The following C13orf42 variants were observed in gnomAD, a reference collection of about 807,000 sequenced individuals.
C13orf42 encodes the protein uncharacterized protein C13orf42.
intron 1 of C13orf42, among the ~76,000 whole-genome samples, chr13:51,106,157 A>G (rs1953353533): frequency 6.6e-6 from 1 of 152,242 alleles, no homozygotes; most frequent in East Asian, 1.9e-4. Flanking sequence ...CCATGTGAAA[A>G]GAAGTCAAGA....
At position 51,083,133 on chromosome 13, in the gene C13orf42, C is replaced by T; in HGVS notation, c.*1018G>A. 6.6e-6 allele frequency: 1 copy of T among 152,008 alleles called. No individual in the cohort carries two copies. Among genetic ancestry groups the T allele is most frequent in the South Asian group, 2.1e-4 (1 of 4,810 alleles). 9.4% of individuals were successfully genotyped at this position (152,008 alleles called of 1,614,324 possible). ...CCTTATACATGCACAGACTGGTTTA[C>T]AAGAAAATGCCAAAAAAAGAAGTGA... On this transcript the variant is annotated 3_prime_UTR_variant, in exon 4 of 4. Transcript: ENST00000563710.
chr13:51,140,518 G>A (rs1953688099), intron 1 of C13orf42, among the ~76,000 whole-genome samples: 1 of 152,180 alleles, frequency 6.6e-6, no homozygotes, highest in Admixed American at 6.5e-5. Context: ...TCCTATCAAT[G>A]CTTGGTACCA....
upstream of C13orf42, among the ~76,000 whole-genome samples, chr13:51,112,737 G>A (rs575935559): frequency 1.7e-4 from 26 of 152,260 alleles, no homozygotes; most frequent in African/African-American, 4.1e-4. Flanking sequence ...TGAAGAAGGG[G>A]CGCGCTGGAG....
chr13:51,141,424 C>G (rs373674509), intron 1 of C13orf42, among the ~76,000 whole-genome samples: 1 of 151,820 alleles, frequency 6.6e-6, no homozygotes, highest in Admixed American at 6.6e-5. Context: ...AGGCCTAATA[C>G]GTTTTTATAT....
intron 1 of C13orf42, among the ~76,000 whole-genome samples, chr13:51,160,315 C>T (rs988094373): frequency 3.4e-4 from 52 of 152,286 alleles, no homozygotes; most frequent in Non-Finnish European, 6.2e-4. Flanking sequence ...GAGTTTGAGA[C>T]TTGGCAAACA....
chr13:51,086,981 A>G (rs1305724757), intron 2 of C13orf42, among the ~76,000 whole-genome samples: 1 of 152,172 alleles, frequency 6.6e-6, no homozygotes, highest in African/African-American at 2.4e-5. Flanking sequence ...AACAAATCAC[A>G]AGCTTCTTTC....
At chr13:51,167,002 C>T (rs1403239622) in intron 1 of C13orf42, among the ~76,000 whole-genome samples, 1 of 151,832 alleles carries the variant, frequency 6.6e-6, no homozygotes, top group African/African-American at 2.4e-5. Context: ...TCACTTGAAC[C>T]TGGGAGACAG....
intron 1 of C13orf42, among the ~76,000 whole-genome samples, chr13:51,108,837 G>A (rs925884412): frequency 2.6e-5 from 4 of 152,198 alleles, no homozygotes; most frequent in East Asian, 3.8e-4. Context: ...AGGCATCTCC[G>A]AAGGAGATCC....
At chr13:51,129,392 AGG>A (rs1953598376) in intron 1 of C13orf42, among the ~76,000 whole-genome samples, 1 of 152,124 alleles carries the variant, frequency 6.6e-6, no homozygotes, top group African/African-American at 2.4e-5. Context: ...CATGGGACTT[AGG>A]GGGCTTTTTC....
At chr13:51,114,261 C>T (rs1593539299), upstream of C13orf42, among the ~76,000 whole-genome samples, 2 of 152,286 alleles carry the variant, frequency 1.3e-5, no homozygotes, top group South Asian at 2.1e-4. Flanking sequence ...TACCTACCAG[C>T]TTAAGAAAGT....
chr13:51,167,535 T>G (rs1484203179), intron 1 of C13orf42, among the ~76,000 whole-genome samples: 1 of 152,160 alleles, frequency 6.6e-6, no homozygotes, highest in East Asian at 1.9e-4. Context: ...GACCTTACCT[T>G]CCAGCAATGG....
At chr13:51,170,738 G>A (rs1484756401) in intron 1 of C13orf42, among the ~76,000 whole-genome samples, 1 of 152,104 alleles carries the variant, frequency 6.6e-6, no homozygotes, top group African/African-American at 2.4e-5. Flanking sequence ...AGACCACGCA[G>A]GGACGCCTGC....
chr13:51,125,559 T>A (rs1441459606), intron 1 of C13orf42, among the ~76,000 whole-genome samples: 1 of 152,206 alleles, frequency 6.6e-6, no homozygotes, highest in Non-Finnish European at 1.5e-5. Context: ...GGTGGATTAA[T>A]CAATTGCTGA....
chr13:51,161,946 C>G, intron 1 of C13orf42: 1 of 487,028 alleles, frequency 2.1e-6, no homozygotes, highest in Non-Finnish European at 4.0e-6. Flanking sequence ...GTGCTTCCCA[C>G]GTTGTATTCA....
chr13:51,085,838 C>A (rs573279085), intron 2 of C13orf42, among the ~76,000 whole-genome samples: 3 of 152,060 alleles, frequency 2.0e-5, no homozygotes, highest in Non-Finnish European at 4.4e-5. Context: ...TCACCTGAGG[C>A]CAGGAGTTGA....
At chr13:51,170,811 C>T (rs1178120630) in intron 1 of C13orf42, among the ~76,000 whole-genome samples, 1 of 151,574 alleles carries the variant, frequency 6.6e-6, no homozygotes, top group African/African-American at 2.4e-5. Flanking sequence ...TATCCCTCAA[C>T]CCCTTCTCCT....
At chr13:51,139,335 T>C (rs916078838) in intron 1 of C13orf42, among the ~76,000 whole-genome samples, 1 of 151,830 alleles carries the variant, frequency 6.6e-6, no homozygotes, top group Non-Finnish European at 1.5e-5. Flanking sequence ...AATAAAATAG[T>C]CAAACTCATG....
At chr13:51,095,057 T>G (rs1293034995) in intron 1 of C13orf42, among the ~76,000 whole-genome samples, 1 of 152,198 alleles carries the variant, frequency 6.6e-6, no homozygotes, top group African/African-American at 2.4e-5. Flanking sequence ...CCACCATGAT[T>G]GTGAGGCCTC....
At chr13:51,139,118 A>T (rs1953678721) in intron 1 of C13orf42, among the ~76,000 whole-genome samples, 1 of 152,124 alleles carries the variant, frequency 6.6e-6, no homozygotes, top group Non-Finnish European at 1.5e-5. Flanking sequence ...GGAGTTTGAG[A>T]CTAGTCTGAC....
Sources: gnomAD v4.1 joint callset for allele counts (sites outside exome capture counted in the v4.1 genomes callset) on GRCh38, gnomAD v4.1.1 for gene constraint, MANE v1.5 for transcripts, NCBI Gene and HGNC (gene_info 2026-07-23, HGNC 2026-07-21) for gene names.